The following PTPRK variants were observed in gnomAD, a reference collection of about 807,000 sequenced individuals.
PTPRK encodes receptor-type tyrosine-protein phosphatase kappa.
In PTPRK, 75 loss-of-function variants were observed where a neutral mutation model predicts 178.0. The ratio of observed to expected loss-of-function variants is 0.42; its 90% confidence interval spans 0.35 to 0.51. The LOEUF (loss-of-function observed/expected upper bound fraction) is 0.51. Among genes scored for constraint, PTPRK ranks in the 20% least tolerant of loss-of-function variants. PTPRK has a pLI of 0.02. For missense variants in PTPRK, 1,441 were observed against 1,797.8 expected (o/e 0.80, Z 3.59); for synonymous variants, 637 against 620.6 (o/e 1.03, Z -0.39).
intron 11 of PTPRK, among the ~76,000 whole-genome samples, chr6:128,073,500 C>T (rs1783215486): frequency 6.6e-6 from 1 of 151,960 alleles, no homozygotes; most frequent in South Asian, 2.1e-4. Context: ...ATTTATACTA[C>T]TTGGGTACAT....
Position 128,242,509 on chromosome 6 carries a change from A to G in PTPRK, c.577+12T>C. 1 of 1,609,378 alleles carries G rather than the reference A, an allele frequency of 6.2e-7. No homozygotes were observed. Among genetic ancestry groups the G allele is most frequent in the East Asian group, 2.2e-5 (1 of 44,608 alleles). ...AGGACATAGAAAAATACAATTCTTA[A>G]TCACAACCTACCACAAGGATAACTC... On this transcript the variant is annotated intron_variant, in intron 4 of 29. Transcript: ENST00000368226.
chr6:128,240,070 C>T lies in PTPRK; in HGVS notation c.658G>A (p.Gly220Arg). The change falls in exon 5 of 30, where the codon GGG (glycine) becomes AGG (arginine). Residue 220 changes from glycine (G) to arginine (R), a missense_variant. Physicochemically the swap from Gly to Arg is moderately radical, Grantham distance 125. This residue lies in a region of PTPRK where 945 missense variants were observed against 1,080.6 expected (regional missense o/e 0.87). Transcript: ENST00000368226. Reference protein sequence around the residue: ...QNATFQCIATGRDAVHNKLWL... With the variant: ...QNATFQCIATRRDAVHNKLWL... ...AACTTGTTATGCACAGCATCTCTCC[C>T]TGTGGCAATGCACTGAAATGTAGCG... 1 of 1,614,182 alleles carries T rather than the reference C, an allele frequency of 6.2e-7. No individual in the cohort carries two copies. The highest frequency in any genetic ancestry group is 1.3e-5 in the African/African-American group (1 of 75,070).
intron 13 of PTPRK, among the ~76,000 whole-genome samples, chr6:128,028,992 A>G (rs1163231150): frequency 4.6e-5 from 7 of 152,122 alleles, no homozygotes; most frequent in Admixed American, 2.6e-4. Context: ...TCAACTATCC[A>G]TCTTCCATGG....
At chr6:128,074,014 G>A (rs1237990706) in intron 11 of PTPRK, among the ~76,000 whole-genome samples, 2 of 151,984 alleles carry the variant, frequency 1.3e-5, no homozygotes, top group Non-Finnish European at 2.9e-5. Context: ...AGATTTTAAA[G>A]CTATGCAACC....
rs553575812 is a variant in PTPRK at position 128,299,645 on chromosome 6, G to A, written c.495+22394C>T. Among the ~76,000 whole-genome samples, 15 of 152,052 alleles carry A rather than the reference G, an allele frequency of 9.9e-5. 1 individual carries two copies. Among genetic ancestry groups the A allele is most frequent in the Middle Eastern group, 3.4e-3 (1 of 294 alleles). ...GAAAGGATTCCCTATTTAATAAATG[G>A]TGCTGGGAAAACTGGCTAGCCTTAT... On this transcript the variant is annotated intron_variant, in intron 3 of 29. Transcript: ENST00000368226.
At chr6:128,156,968 G>C (rs1798039795) in intron 7 of PTPRK, among the ~76,000 whole-genome samples, 1 of 151,848 alleles carries the variant, frequency 6.6e-6, no homozygotes, top group Admixed American at 6.6e-5. Flanking sequence ...CGGTTTCTAT[G>C]CCTTTAAAAT....
intron 1 of PTPRK, among the ~76,000 whole-genome samples, chr6:128,509,200 C>T (rs944137821): frequency 3.3e-5 from 5 of 152,066 alleles, no homozygotes; most frequent in Non-Finnish European, 5.9e-5. Context: ...GGGTTCCATA[C>T]GAGTTTCAGA....
intron 2 of PTPRK, among the ~76,000 whole-genome samples, chr6:128,325,370 C>G (rs1829406136): frequency 6.6e-6 from 1 of 151,942 alleles, no homozygotes; most frequent in Non-Finnish European, 1.5e-5. Context: ...AAGAAACTAC[C>G]ATCAGAGTGA....
At chr6:128,476,446 T>C (rs571224181) in intron 1 of PTPRK, among the ~76,000 whole-genome samples, 2 of 152,232 alleles carry the variant, frequency 1.3e-5, no homozygotes, top group South Asian at 4.1e-4. Flanking sequence ...GCTCATGATA[T>C]GTTCAGAATG....
At chr6:128,406,149 G>A (rs993344157) in intron 1 of PTPRK, among the ~76,000 whole-genome samples, 3 of 151,912 alleles carry the variant, frequency 2.0e-5, no homozygotes, top group Non-Finnish European at 2.9e-5. Context: ...TATAGTCTCA[G>A]CTACCCGAGA....
At chr6:128,071,093 A>G (rs1782739468) in intron 11 of PTPRK, among the ~76,000 whole-genome samples, 1 of 149,638 alleles carries the variant, frequency 6.7e-6, no homozygotes. Flanking sequence ...AACAGGTATC[A>G]TGCAGGCTCT....
chr6:127,994,741 T>C (rs1049070177), intron 18 of PTPRK, among the ~76,000 whole-genome samples: 2 of 151,978 alleles, frequency 1.3e-5, no homozygotes, highest in African/African-American at 2.4e-5. Context: ...CTTTTTCATT[T>C]CTGTGATTCG....
intron 6 of PTPRK, among the ~76,000 whole-genome samples, chr6:128,206,836 T>C (rs1313669834): frequency 6.6e-6 from 1 of 152,206 alleles, no homozygotes; most frequent in South Asian, 2.1e-4. Context: ...TCATTTATCA[T>C]GTTTCATGAT....
chr6:128,135,066 T>G (rs1794811425), intron 7 of PTPRK, among the ~76,000 whole-genome samples: 1 of 140,612 alleles, frequency 7.1e-6, no homozygotes, highest in Non-Finnish European at 1.5e-5. Flanking sequence ...CAATTTAAAA[T>G]TAATCATTCA....
intron 1 of PTPRK, among the ~76,000 whole-genome samples, chr6:128,512,758 G>C (rs1243461608): frequency 6.6e-6 from 1 of 152,052 alleles, no homozygotes; most frequent in African/African-American, 2.4e-5. Context: ...TCTTAAATAT[G>C]AGCACAAAAG....
chr6:128,099,654 C>T (rs1196387188), intron 7 of PTPRK, among the ~76,000 whole-genome samples: 2 of 152,002 alleles, frequency 1.3e-5, no homozygotes, highest in Non-Finnish European at 2.9e-5. Flanking sequence ...TATTGATACA[C>T]ACTTTAACAC....
At chr6:128,141,663 G>A (rs1345646476) in intron 7 of PTPRK, among the ~76,000 whole-genome samples, 1 of 151,788 alleles carries the variant, frequency 6.6e-6, no homozygotes, top group Non-Finnish European at 1.5e-5. Context: ...TTCATTATGT[G>A]TTAAAGCAAC....
chr6:128,188,138 T>A (rs1199410616), intron 6 of PTPRK, among the ~76,000 whole-genome samples: 1 of 152,130 alleles, frequency 6.6e-6, no homozygotes, highest in African/African-American at 2.4e-5. Context: ...AAATATAAGA[T>A]AAACTTTGCC....
chr6:128,234,604 T>G (rs1415049910), intron 5 of PTPRK, among the ~76,000 whole-genome samples: 1 of 152,230 alleles, frequency 6.6e-6, no homozygotes, highest in East Asian at 1.9e-4. Flanking sequence ...TCTGTCCTCT[T>G]TCCAAAACCT....
Sources: allele counts gnomAD v4.1 joint callset (sites outside exome capture counted in the v4.1 genomes callset), GRCh38; gene constraint gnomAD v4.1.1; regional missense constraint gnomAD v4.1.1; transcripts MANE v1.5; gene names NCBI Gene and HGNC (gene_info 2026-07-23, HGNC 2026-07-21).